SLC30A8: variants seen among roughly 807,000 people sequenced by gnomAD.
SLC30A8 encodes the protein proton-coupled zinc antiporter SLC30A8.
In SLC30A8, 27 loss-of-function variants were observed where a neutral mutation model predicts 36.9. The ratio of observed to expected loss-of-function variants is 0.73; its 90% CI spans 0.54 to 1.01. The LOEUF (loss-of-function observed/expected upper bound fraction) is 1.01. SLC30A8 is among the 50% of genes least tolerant of loss of function. The pLI is 0.00. For synonymous variants in SLC30A8, 164 were observed against 172.4 expected, an observed-to-expected ratio of 0.95 and a Z score of 0.38; for missense variants, 439 against 452.0, an observed-to-expected ratio of 0.97 and a Z score of 0.26.
Position 117,001,991 on chromosome 8 carries a change from C to T in SLC30A8, c.-265-37228C>T, listed in dbSNP as rs73312275. Among the ~76,000 whole-genome samples, 403 of 152,250 alleles carry T rather than the reference C, an allele frequency of 2.6e-3. 5 individuals are homozygous for T. The highest frequency in any genetic ancestry group is 9.1e-3 in the African/African-American group (380 of 41,542). On this transcript the variant is annotated intron_variant, in intron 1 of 10. Coordinates refer to the SLC30A8 transcript ENST00000427715. ...AAAATAGTGCCCATTATGCTGAGCT[C>T]TCAATAACTAATTGTTGTGTGTTAA...
At chr8:117,153,632 T>C (rs1455831958) in intron 3 of SLC30A8, among the ~76,000 whole-genome samples, 2 of 146,002 alleles carry the variant, frequency 1.4e-5, no homozygotes, top group Non-Finnish European at 3.0e-5. Context: ...GAGGAGAAGA[T>C]GAAAGTTTAC....
At chr8:116,992,892 C>T (rs922581993) in intron 1 of SLC30A8, among the ~76,000 whole-genome samples, 10 of 152,142 alleles carry the variant, frequency 6.6e-5, no homozygotes, top group Admixed American at 1.3e-4. Context: ...ATTCCTGATG[C>T]TTTTTCTCTG....
intron 2 of SLC30A8, among the ~76,000 whole-genome samples, chr8:117,105,366 A>G (rs1333473911): frequency 6.6e-6 from 1 of 152,058 alleles, no homozygotes; most frequent in Non-Finnish European, 1.5e-5. Context: ...TTATTTATTT[A>G]TTTACACAAT....
chr8:117,093,453 G>T lies in SLC30A8; in HGVS notation c.-225-41827G>T, dbSNP rs560354748. ...TTCTTCTAAGTATTTCTCTCCCATT[G>T]CCCCTCAGTGGTCCTGAGCCCCCTG... On this transcript the variant is annotated intron_variant, in intron 2 of 10. Coordinates refer to the SLC30A8 transcript ENST00000427715. Among the ~76,000 whole-genome samples, 8 of 151,742 alleles carry T rather than the reference G, an allele frequency of 5.3e-5. No individual in the cohort carries two copies. In the East Asian group the frequency reaches 1.2e-3, roughly 22 times the overall value.
At chr8:116,973,055 T>G (rs1480680583) in intron 1 of SLC30A8, among the ~76,000 whole-genome samples, 1 of 152,144 alleles carries the variant, frequency 6.6e-6, no homozygotes, top group Non-Finnish European at 1.5e-5. Flanking sequence ...TTCGTTCTCT[T>G]ATAAAAGAGG....
chr8:116,986,928 A>G (rs545735630), intron 1 of SLC30A8, among the ~76,000 whole-genome samples: 4 of 152,274 alleles, frequency 2.6e-5, no homozygotes, highest in African/African-American at 9.6e-5. Context: ...TCATGTTCTA[A>G]GAAGAAATGT....
At chr8:117,013,620 A>G (rs1816417557) in intron 1 of SLC30A8, among the ~76,000 whole-genome samples, 1 of 152,170 alleles carries the variant, frequency 6.6e-6, no homozygotes, top group South Asian at 2.1e-4. Flanking sequence ...AATGACAACC[A>G]TATATATACC....
chr8:117,127,248 A>G (rs1201048730), intron 2 of SLC30A8, among the ~76,000 whole-genome samples: 1 of 152,034 alleles, frequency 6.6e-6, no homozygotes, highest in Admixed American at 6.6e-5. Context: ...GGGAAAAATG[A>G]TGGGCAGCTC....
At chr8:117,113,347 G>A (rs1820312644) in intron 2 of SLC30A8, among the ~76,000 whole-genome samples, 1 of 152,148 alleles carries the variant, frequency 6.6e-6, no homozygotes, top group African/African-American at 2.4e-5. Context: ...ATGGAAGCAA[G>A]TCATTTTTCC....
At chr8:117,003,956 G>A (rs1204425908) in intron 1 of SLC30A8, among the ~76,000 whole-genome samples, 2 of 152,144 alleles carry the variant, frequency 1.3e-5, no homozygotes, top group East Asian at 3.8e-4. Context: ...AATATTGAAT[G>A]TAAAAAAACC....
intron 2 of SLC30A8, among the ~76,000 whole-genome samples, chr8:117,129,236 G>A (rs1164812614): frequency 1.3e-5 from 2 of 152,014 alleles, no homozygotes; most frequent in East Asian, 3.9e-4. Flanking sequence ...CAATGAATCC[G>A]TTGTGCTCAA....
intron 2 of SLC30A8, among the ~76,000 whole-genome samples, chr8:117,105,900 T>A (rs1397477708): frequency 2.0e-5 from 3 of 152,202 alleles, no homozygotes; most frequent in African/African-American, 7.2e-5. Context: ...CCAGATTATT[T>A]CTCTTAAATT....
chr8:117,157,610 G>C, intron 3 of SLC30A8, 81 bp from the exon 4 acceptor site: 1 of 1,494,066 alleles, frequency 6.7e-7, no homozygotes, highest in East Asian at 2.3e-5. Flanking sequence ...AAGTGGCAAA[G>C]TGTCTTATGA....
At chr8:117,063,230 GTC>G (rs969346009) in intron 2 of SLC30A8, among the ~76,000 whole-genome samples, 2 of 152,126 alleles carry the variant, frequency 1.3e-5, no homozygotes, top group African/African-American at 2.4e-5. Context: ...TAGCAAGAAA[GTC>G]TCTCTTGTTT....
chr8:117,002,795 G>A (rs1388813515), intron 1 of SLC30A8, among the ~76,000 whole-genome samples: 3 of 152,046 alleles, frequency 2.0e-5, no homozygotes, highest in African/African-American at 7.2e-5. Flanking sequence ...ACTAGAGACG[G>A]GGTTTCACCG....
chr8:117,087,420 C>T (rs1278418227), intron 2 of SLC30A8, among the ~76,000 whole-genome samples: 3 of 152,198 alleles, frequency 2.0e-5, no homozygotes, highest in African/African-American at 7.2e-5. Context: ...CAGCCTTCAT[C>T]TGAGGTGGCT....
chr8:117,088,926 C>A (rs1458047259), intron 2 of SLC30A8, among the ~76,000 whole-genome samples: 1 of 152,160 alleles, frequency 6.6e-6, no homozygotes, highest in African/African-American at 2.4e-5. Flanking sequence ...AGGTAATGAG[C>A]TAAAAGTCCT....
Position 117,139,079 on chromosome 8 carries a change from CAAAGACAGGCAG to C in SLC30A8, c.71+3685_71+3696del, listed in dbSNP as rs532796967. ...AGTGGCAGACCAGCTAGAAGTTAAGCAAAGACAGGCAGAAAAAGAGGTAAAAAATGCCCTCTT... is the reference window on the plus strand; with the variant it reads ...AGTGGCAGACCAGCTAGAAGTTAAGCAAAAAGAGGTAAAAAATGCCCTCTT... On this transcript the variant is annotated intron_variant, in intron 1 of 7. Coordinates refer to ENST00000456015, the MANE Select transcript of SLC30A8 (RefSeq NM_173851.3). Among the ~76,000 whole-genome samples, 303 of 152,118 alleles carry C rather than the reference CAAAGACAGGCAG, an allele frequency of 2.0e-3. 1 individual carries two copies. The highest frequency in any genetic ancestry group is 6.8e-3 in the African/African-American group (284 of 41,522).
At chr8:116,989,023 A>T (rs1427802102) in intron 1 of SLC30A8, among the ~76,000 whole-genome samples, 1 of 152,240 alleles carries the variant, frequency 6.6e-6, no homozygotes, top group African/African-American at 2.4e-5. Flanking sequence ...GATAAGATAG[A>T]TATTCAAAAA....
Sources: gnomAD v4.1 joint callset for allele counts (sites outside exome capture counted in the v4.1 genomes callset) on GRCh38, gnomAD v4.1.1 for gene constraint, MANE v1.5 for transcripts, NCBI Gene and HGNC (gene_info 2026-07-23, HGNC 2026-07-21) for gene names.